The following BIRC6 variants were observed in gnomAD, a reference collection of about 807,000 sequenced individuals.
BIRC6 encodes dual E2 ubiquitin-conjugating enzyme/E3 ubiquitin-protein ligase BIRC6.
BIRC6 carries 98 observed loss-of-function variants against 503.3 expected under a neutral mutation model. That is an observed-to-expected ratio of 0.19 (90% CI 0.17 to 0.23). The LOEUF is 0.23. Among genes scored for constraint, BIRC6 ranks in the 10% least tolerant of loss-of-function variants. The pLI, the probability that BIRC6 is intolerant of heterozygous loss-of-function variation, is 1.00. For missense variants in BIRC6, 5,360 were observed against 5,806.0 expected, an observed-to-expected ratio of 0.92 and a Z score of 2.50; for synonymous variants, 2,240 against 2,078.7, an observed-to-expected ratio of 1.08 and a Z score of -2.11.
At chr2:32,608,861 A>G (rs745675001) in intron 72 of BIRC6, among the ~76,000 whole-genome samples, 1 of 152,038 alleles carries the variant, frequency 6.6e-6, no homozygotes, top group Non-Finnish European at 1.5e-5. Flanking sequence ...TAATGTGTAT[A>G]TATAAGGAGA....
Position 32,503,071 on chromosome 2 carries a change from G to A in BIRC6, c.9334G>A (p.Val3112Ile). The A allele has an allele frequency of 6.2e-7, 1 of 1,605,588 alleles. No individual in the cohort carries two copies. Among genetic ancestry groups the A allele is most frequent in the Non-Finnish European group, 8.5e-7 (1 of 1,176,034 alleles). Residue 3112 changes from valine (V) to isoleucine (I), a missense_variant, in exon 49 of 74, where the codon GTT becomes ATT. Around this residue, in one of 16 missense-constraint regions of BIRC6, gnomAD observed 267 missense variants for 287.6 expected, o/e 0.93. Coordinates refer to ENST00000421745, the MANE Select transcript of BIRC6 (RefSeq NM_016252.4). ...TGTTCAGCTCATATGCAATAATATG[G>A]TTACTAGTACAAGGGCTATTGTGAA... ...GGVQLICNNM[V>I]TSTRAIVNTA...
Position 32,594,038 on chromosome 2 carries a change from C to A in BIRC6, c.13479C>A (p.Thr4493=), listed in dbSNP as rs1292270925. Residue 4493 remains threonine, a synonymous_variant, in exon 67 of 74, where the codon ACC becomes ACA. Coordinates refer to ENST00000421745, the MANE Select transcript of BIRC6 (RefSeq NM_016252.4). ...KTAEIVYAAT[T]SLRQANQEKK... ...CTGAGATAGTTTATGCAGCCACCACCAGTTTGCGGCAAGCAAATCAGGGTA... is the reference window on the plus strand; with the variant it reads ...CTGAGATAGTTTATGCAGCCACCACAAGTTTGCGGCAAGCAAATCAGGGTA... The A allele has an allele frequency of 6.2e-7, 1 of 1,611,176 alleles. No homozygotes were observed. The highest frequency in any genetic ancestry group is 1.7e-5 in the Admixed American group (1 of 59,626).
chr2:32,524,098 T>C (rs904243353), intron 57 of BIRC6, among the ~76,000 whole-genome samples: 5 of 151,850 alleles, frequency 3.3e-5, no homozygotes, highest in Admixed American at 3.3e-4. Flanking sequence ...GTGAAAAAAA[T>C]TAAAATTTCA....
chr2:32,561,669 A>T (rs540183232), intron 65 of BIRC6, among the ~76,000 whole-genome samples: 1 of 150,748 alleles, frequency 6.6e-6, no homozygotes, highest in Non-Finnish European at 1.5e-5. Flanking sequence ...AGTTTTTTTT[A>T]AAGTTTCTGG....
chr2:32,504,920 A>G (rs1223585240), intron 49 of BIRC6, 85 bp from the exon 50 acceptor site: 12 of 1,194,068 alleles, frequency 1.0e-5, no homozygotes, highest in Non-Finnish European at 1.4e-5. Flanking sequence ...TAATTTTTCT[A>G]GTTTAATTGT....
At chr2:32,521,007 C>T (rs2055600606) in intron 57 of BIRC6, among the ~76,000 whole-genome samples, 1 of 151,966 alleles carries the variant, frequency 6.6e-6, no homozygotes, top group Admixed American at 6.6e-5. Context: ...TTCTAGCATT[C>T]AAAATATTTT....
chr2:32,618,145 G>A lies in BIRC6; in HGVS notation c.*241G>A, dbSNP rs2063354521. 2 of 338,694 alleles carry A rather than the reference G, an allele frequency of 5.9e-6. No individual in the cohort carries two copies. The highest frequency in any genetic ancestry group is 1.0e-4 in the South Asian group (1 of 9,682). The allele number at this position is 338,694 out of a possible 1,614,324, so 21.0% of individuals were successfully genotyped here. A position where few individuals can be genotyped will look rare whatever the true frequency, so the allele number is the denominator to read the frequency against. ...TGATTGGTATGTTCAACAAATTTGT[G>A]TATACAAAGAAATGGATAAATCACT... is the stretch of plus-strand genomic sequence containing the variant. On this transcript the variant is annotated 3_prime_UTR_variant, in exon 74 of 74. Transcript: ENST00000421745.
chr2:32,436,242 GA>G (rs905884346), intron 15 of BIRC6, 58 bp downstream of exon 15: 53 of 1,284,118 alleles, frequency 4.1e-5, no homozygotes, highest in Admixed American at 6.8e-5. Context: ...TAAAAAAGAC[GA>G]AAAAAAACTG....
At chr2:32,477,150 ACT>A (rs2049857201) in intron 34 of BIRC6, among the ~76,000 whole-genome samples, 1 of 151,958 alleles carries the variant, frequency 6.6e-6, no homozygotes, top group African/African-American at 2.4e-5. Flanking sequence ...CTTTTCTGAA[ACT>A]CTGTTACATA....
intron 3 of BIRC6, among the ~76,000 whole-genome samples, chr2:32,385,523 T>C (rs1294649448): frequency 6.6e-6 from 1 of 152,184 alleles, no homozygotes; most frequent in African/African-American, 2.4e-5. Context: ...CTAGGAGCTG[T>C]TTTTCAAAAG....
At chr2:32,494,148 G>C (rs978957618) in intron 45 of BIRC6, among the ~76,000 whole-genome samples, 8 of 151,898 alleles carry the variant, frequency 5.3e-5, no homozygotes, top group Admixed American at 3.9e-4. Context: ...TATAATGCAT[G>C]AATGCTTCAA....
chr2:32,543,170 A>G, intron 61 of BIRC6, 71 bp from the exon 62 acceptor site: 1 of 1,429,944 alleles, frequency 7.0e-7, no homozygotes, highest in East Asian at 2.3e-5. Context: ...GATCATTTAA[A>G]GTTAAGTCTT....
At chr2:32,578,819 C>T (rs1421457563) in intron 66 of BIRC6, among the ~76,000 whole-genome samples, 1 of 150,936 alleles carries the variant, frequency 6.6e-6, no homozygotes, top group African/African-American at 2.4e-5. Context: ...TACATACATA[C>T]ATACATACAT....
At chr2:32,616,072 A>G (rs143333943) in intron 73 of BIRC6, among the ~76,000 whole-genome samples, 1 of 152,314 alleles carries the variant, frequency 6.6e-6, no homozygotes, top group East Asian at 1.9e-4. Context: ...AAACTGCAAT[A>G]TAGAGCAAAG....
rs116077025 is a variant in BIRC6 at position 32,491,385 on chromosome 2, T to A, written c.8207-40T>A. ...CAGATACTGCATTTCCATTATTTCATGGTCCATTTCTTAAGAGGTTTTTAA... is the reference window on the plus strand; with the variant it reads ...CAGATACTGCATTTCCATTATTTCAAGGTCCATTTCTTAAGAGGTTTTTAA... On this transcript the variant is annotated intron_variant, in intron 43 of 73. Transcript: ENST00000421745. 0.012 allele frequency: 18,455 copies of A among 1,534,916 alleles called. 150 individuals are homozygous for A. Among genetic ancestry groups the A allele is most frequent in the Non-Finnish European group, 0.014 (16,352 of 1,141,564 alleles).
At chr2:32,467,225 C>T (rs1003006971) in intron 26 of BIRC6, among the ~76,000 whole-genome samples, 2 of 152,052 alleles carry the variant, frequency 1.3e-5, no homozygotes, top group African/African-American at 2.4e-5. Flanking sequence ...TGGAGCTCCT[C>T]GGCTCAAGCA....
chr2:32,441,523 C>G lies in BIRC6; in HGVS notation c.3944+61C>G, dbSNP rs1315653229. On this transcript the variant is annotated intron_variant, in intron 17 of 73. Coordinates refer to ENST00000421745, the MANE Select transcript of BIRC6 (RefSeq NM_016252.4). ...AATGAAAGTGCAGAGCATAACACCA[C>G]ACACATACACACACAAATAAAAAAT... 3 of 1,375,332 alleles carry G rather than the reference C, an allele frequency of 2.2e-6. No individual in the cohort carries two copies. In the Admixed American group the frequency reaches 7.0e-5, roughly 32 times the overall value. The allele number at this position is 1,375,332 out of a possible 1,614,324, so 85.2% of individuals were successfully genotyped here. A position where few individuals can be genotyped will look rare whatever the true frequency, so the allele number is the denominator to read the frequency against.
At chr2:32,363,126 T>C (rs985208290) in intron 1 of BIRC6, among the ~76,000 whole-genome samples, 9 of 152,150 alleles carry the variant, frequency 5.9e-5, no homozygotes, top group Admixed American at 5.9e-4. Context: ...AGCCCAGTAG[T>C]TGGAGACCAG....
At chr2:32,407,464 A>AG (rs2041361132) in intron 9 of BIRC6, among the ~76,000 whole-genome samples, 3 of 151,392 alleles carry the variant, frequency 2.0e-5, no homozygotes, top group Admixed American at 1.3e-4. Flanking sequence ...AAAAAAAAAA[A>AG]AAAGATTTAG....
Sources: gnomAD v4.1 joint callset for allele counts (sites outside exome capture counted in the v4.1 genomes callset) on GRCh38, gnomAD v4.1.1 for gene constraint, gnomAD v4.1.1 regional missense constraint, MANE v1.5 for transcripts, NCBI Gene and HGNC (gene_info 2026-07-23, HGNC 2026-07-21) for gene names.